The following SGCD variants were observed in gnomAD, a reference collection of about 807,000 sequenced individuals.
SGCD encodes the protein sarcoglycan delta, also known as delta-sarcoglycan.
SGCD carries 18 observed loss-of-function variants against 36.6 expected under a neutral mutation model. The observed-to-expected ratio is 0.49, with a 90% confidence interval of 0.34 to 0.73. The LOEUF (loss-of-function observed/expected upper bound fraction) is 0.73, where lower values mean the gene tolerates loss of function less well. SGCD is among the 30% of genes least tolerant of loss of function. The pLI is 0.01. For synonymous variants in SGCD, 133 were observed against 130.6 expected (o/e 1.02, Z -0.12); for missense variants, 387 against 346.7 (o/e 1.12, Z -0.92).
intron 1 of SGCD, among the ~76,000 whole-genome samples, chr5:155,905,949 A>G (rs1200842414): frequency 6.6e-6 from 1 of 152,154 alleles, no homozygotes; most frequent in Non-Finnish European, 1.5e-5. Flanking sequence ...ACGAACTAAT[A>G]CATTGTGCTT....
chr5:155,839,852 A>G, the SGCD span, among the ~76,000 whole-genome samples: 1 of 151,798 alleles, frequency 6.6e-6, no homozygotes, highest in Admixed American at 6.6e-5. Flanking sequence ...AACATCTCTC[A>G]GGTGGGAGGA....
At chr5:156,381,453 T>C (rs1242724100) in intron 3 of SGCD, among the ~76,000 whole-genome samples, 1 of 152,112 alleles carries the variant, frequency 6.6e-6, no homozygotes, top group Non-Finnish European at 1.5e-5. Context: ...CTGGGGATGG[T>C]AGTTTGGGGA....
intron 3 of SGCD, among the ~76,000 whole-genome samples, chr5:156,456,267 G>A (rs957605651): frequency 1.3e-5 from 2 of 152,138 alleles, no homozygotes; most frequent in African/African-American, 4.8e-5. Context: ...ACATGTTTAA[G>A]GCGATTCTGG....
At chr5:156,096,051 C>G (rs1283803193) in intron 1 of SGCD, among the ~76,000 whole-genome samples, 1 of 152,184 alleles carries the variant, frequency 6.6e-6, no homozygotes, top group African/African-American at 2.4e-5. Context: ...AGTGCCATGG[C>G]AGGAAGAGAA....
At chr5:155,837,907 A>T in the SGCD span, among the ~76,000 whole-genome samples, 1 of 151,974 alleles carries the variant, frequency 6.6e-6, no homozygotes, top group South Asian at 2.1e-4. Context: ...TGGCCTGCTG[A>T]GCGCCAAGTT....
At chr5:156,573,625 A>T (rs1255351829) in intron 4 of SGCD, among the ~76,000 whole-genome samples, 1 of 152,172 alleles carries the variant, frequency 6.6e-6, no homozygotes, top group South Asian at 2.1e-4. Context: ...GTGCCTTCTT[A>T]TGCATCCTGA....
intron 4 of SGCD, among the ~76,000 whole-genome samples, chr5:156,523,385 A>T (rs1757492606): frequency 6.6e-6 from 1 of 152,214 alleles, no homozygotes; most frequent in Non-Finnish European, 1.5e-5. Flanking sequence ...AACAGTGGAT[A>T]ATGCAACGGA....
At chr5:156,581,295 A>G (rs569331344) in intron 4 of SGCD, among the ~76,000 whole-genome samples, 2 of 152,234 alleles carry the variant, frequency 1.3e-5, no homozygotes, top group African/African-American at 4.8e-5. Flanking sequence ...TGGAAGCTTC[A>G]TCCCAGAGGG....
intron 2 of SGCD, among the ~76,000 whole-genome samples, chr5:156,120,154 T>G (rs1762001644): frequency 6.6e-6 from 1 of 152,198 alleles, no homozygotes; most frequent in Admixed American, 6.5e-5. Context: ...TAGTGTCCTT[T>G]ACTGTGCCAT....
intron 1 of SGCD, among the ~76,000 whole-genome samples, chr5:156,048,222 T>C: frequency 6.6e-6 from 1 of 152,216 alleles, no homozygotes; most frequent in East Asian, 1.9e-4. Context: ...CAGTCTATCA[T>C]TGTTGGGCAT....
At chr5:156,122,243 G>T (rs1561528403) in intron 2 of SGCD, among the ~76,000 whole-genome samples, 1 of 152,110 alleles carries the variant, frequency 6.6e-6, no homozygotes. Flanking sequence ...CCACTTCTGT[G>T]CAAGGCTATC....
chr5:155,928,576 G>C (rs899912264), intron 1 of SGCD, among the ~76,000 whole-genome samples: 2 of 149,796 alleles, frequency 1.3e-5, no homozygotes, highest in African/African-American at 4.9e-5. Flanking sequence ...GTTGAGGCAG[G>C]AGAATGGCTT....
At chr5:156,324,762 G>A (rs1232027054), upstream of SGCD, among the ~76,000 whole-genome samples, 1 of 149,472 alleles carries the variant, frequency 6.7e-6, no homozygotes, top group Non-Finnish European at 1.5e-5. Context: ...TTTTTTCCCT[G>A]AAAAGAAGCA....
intron 3 of SGCD, among the ~76,000 whole-genome samples, chr5:156,226,982 T>C (rs116509412): frequency 0.015 from 2,312 of 152,242 alleles, 25 homozygotes; most frequent in Non-Finnish European, 0.026. Flanking sequence ...GAGATCGTTG[T>C]AGATTCTAGA....
rs1411558155 is a variant in SGCD at position 156,665,113 on chromosome 5, C to T, written c.575+17577C>T. Among the ~76,000 whole-genome samples, 25 of 151,506 alleles carry T rather than the reference C, an allele frequency of 1.7e-4. No homozygotes were observed. The South Asian group carries it at 2.3e-3, about 14-fold the overall frequency. ...TCCATACTGACTTTCTGGGGGTGGCCGATACTGAAGTTCAGCCGGCGGCCA... is the reference window on the plus strand; with the variant it reads ...TCCATACTGACTTTCTGGGGGTGGCTGATACTGAAGTTCAGCCGGCGGCCA... On this transcript the variant is annotated intron_variant, in intron 7 of 8. Coordinates refer to ENST00000337851, the MANE Select transcript of SGCD (RefSeq NM_000337.6).
At chr5:156,440,892 C>T (rs1163861685) in intron 3 of SGCD, among the ~76,000 whole-genome samples, 1 of 151,942 alleles carries the variant, frequency 6.6e-6, no homozygotes, top group East Asian at 1.9e-4. Context: ...TATTATCTTC[C>T]ATTCTGTGAG....
In SGCD at chr5:155,885,496, TCTTGTG is replaced by T. The variant is rs2113303208; in HGVS notation, c.-282+15076_-282+15081del. 3.6e-5 allele frequency among the ~76,000 whole-genome samples: 2 copies of T among 55,472 alleles called. 1 individual carries two copies. The highest frequency in any genetic ancestry group is 3.3e-4 in the African/African-American group (2 of 6,004). 36.4% of individuals were successfully genotyped at this position (55,472 alleles called of 152,430 possible). A position where few individuals can be genotyped will look rare whatever the true frequency, so the allele number is the denominator to read the frequency against. On this transcript the variant is annotated intron_variant, in intron 1 of 9. Transcript: ENST00000517913. ...AATAGTAAAAATACAATACATACAG[TCTTGTG>T]CTTTTGCAAATGTATTATGAACAGA...
chr5:155,729,910 C>G, the SGCD span, among the ~76,000 whole-genome samples: 4 of 152,174 alleles, frequency 2.6e-5, no homozygotes, highest in Non-Finnish European at 5.9e-5. Flanking sequence ...CCATGGCCTT[C>G]CCCACGATCC....
chr5:156,120,287 A>T (rs780165443), intron 2 of SGCD, among the ~76,000 whole-genome samples: 1 of 152,110 alleles, frequency 6.6e-6, no homozygotes, highest in African/African-American at 2.4e-5. Context: ...TAAGGAAATG[A>T]GTGTTGTTCC....
Sources: gnomAD v4.1 joint callset for allele counts (sites outside exome capture counted in the v4.1 genomes callset) on GRCh38, gnomAD v4.1.1 for gene constraint, MANE v1.5 for transcripts, NCBI Gene and HGNC (gene_info 2026-07-23, HGNC 2026-07-21) for gene names.